Variants in FBXL13 observed in about 807,000 individuals in gnomAD.
FBXL13 encodes F-box and leucine-rich repeat protein 13.
FBXL13 carries 67 observed loss-of-function variants against 83.6 expected under a neutral mutation model. The observed-to-expected ratio is 0.80, with a 90% CI of 0.66 to 0.98. The LOEUF is 0.98. FBXL13 is among the 50% of genes least tolerant of loss of function. FBXL13 has a pLI of 0.00. For missense variants in FBXL13, 822 were observed against 866.5 expected (o/e 0.95, Z 0.64); for synonymous variants, 272 against 299.5 (o/e 0.91, Z 0.95).
chr7:102,868,156 G>C (rs1458422166), intron 16 of FBXL13, among the ~76,000 whole-genome samples: 1 of 152,062 alleles, frequency 6.6e-6, no homozygotes, highest in African/African-American at 2.4e-5. Flanking sequence ...TTTGTGGTGA[G>C]CACATTTAGA....
At chr7:102,896,269 C>G (rs1165566715) in intron 11 of FBXL13, among the ~76,000 whole-genome samples, 1 of 152,100 alleles carries the variant, frequency 6.6e-6, no homozygotes, top group Non-Finnish European at 1.5e-5. Context: ...TTAAAGGATG[C>G]CTCTAGATAT....
intron 10 of FBXL13, among the ~76,000 whole-genome samples, chr7:102,924,121 C>G (rs1236442676): frequency 2.0e-5 from 3 of 151,664 alleles, no homozygotes; most frequent in African/African-American, 7.3e-5. Flanking sequence ...GCCTCTAATC[C>G]CAGCTACTTG....
chr7:102,843,165 C>T (rs150881884), intron 17 of FBXL13, among the ~76,000 whole-genome samples: 202 of 152,134 alleles, frequency 1.3e-3, no homozygotes, highest in African/African-American at 2.1e-3. Context: ...AGTGGTAGGC[C>T]GGGCATGGTG....
At chr7:102,896,486 G>A (rs75770671) in intron 11 of FBXL13, among the ~76,000 whole-genome samples, 2,168 of 152,254 alleles carry the variant, frequency 0.014, 47 homozygotes, top group African/African-American at 0.048. Flanking sequence ...AGAGTCAAGG[G>A]TAATGTCTTA....
At chr7:102,964,553 C>T (rs1199507506) in intron 7 of FBXL13, among the ~76,000 whole-genome samples, 1 of 151,686 alleles carries the variant, frequency 6.6e-6, no homozygotes, top group Non-Finnish European at 1.5e-5. Flanking sequence ...TAGGCACCTG[C>T]CACCATGCCC....
intron 6 of FBXL13, among the ~76,000 whole-genome samples, chr7:102,970,296 T>C (rs1479316025): frequency 6.6e-6 from 1 of 152,162 alleles, no homozygotes; most frequent in African/African-American, 2.4e-5. Flanking sequence ...TGTAACCATA[T>C]TGACCATTTT....
At chr7:103,005,392 C>T (rs192021463) in intron 6 of FBXL13, among the ~76,000 whole-genome samples, 3 of 151,340 alleles carry the variant, frequency 2.0e-5, no homozygotes, top group African/African-American at 4.9e-5. Context: ...TGAACAAGGA[C>T]GGAAAGTAAA....
intron 6 of FBXL13, among the ~76,000 whole-genome samples, chr7:102,975,598 A>G (rs1437032737): frequency 6.6e-6 from 1 of 152,188 alleles, no homozygotes; most frequent in Non-Finnish European, 1.5e-5. Context: ...ACTTTCAGAA[A>G]TCACCCAAGG....
At chr7:102,830,995 A>T (rs1350021798) in intron 18 of FBXL13, among the ~76,000 whole-genome samples, 1 of 152,182 alleles carries the variant, frequency 6.6e-6, no homozygotes, top group Non-Finnish European at 1.5e-5. Context: ...GTCAGAGTAC[A>T]CGCATCTCTA....
chr7:102,846,798 C>T (rs1239660981), intron 17 of FBXL13, among the ~76,000 whole-genome samples: 1 of 151,200 alleles, frequency 6.6e-6, no homozygotes, highest in Non-Finnish European at 1.5e-5. Context: ...CAGCCACAGG[C>T]CACCTATGCA....
chr7:102,884,369 A>C, intron 11 of FBXL13, 57 bp from the exon 13 acceptor site: 1 of 1,298,260 alleles, frequency 7.7e-7, no homozygotes, highest in South Asian at 1.2e-5. Context: ...TAAAAATCCA[A>C]GGGAGTAATA....
intron 8 of FBXL13, among the ~76,000 whole-genome samples, chr7:102,935,878 G>A (rs1420934707): frequency 2.6e-5 from 4 of 152,102 alleles, no homozygotes; most frequent in Non-Finnish European, 5.9e-5. Flanking sequence ...GTTTCTTTAA[G>A]GGCAAGAGAA....
chr7:102,816,542 A>G (rs779214149), intron 19 of FBXL13, among the ~76,000 whole-genome samples: 1 of 152,182 alleles, frequency 6.6e-6, no homozygotes, highest in Non-Finnish European at 1.5e-5. Context: ...GAGATCGGCA[A>G]GTGGCTGCCA....
At chr7:103,045,737 C>T (rs1354363290) in intron 2 of FBXL13, among the ~76,000 whole-genome samples, 4 of 152,182 alleles carry the variant, frequency 2.6e-5, no homozygotes, top group Admixed American at 6.5e-5. Context: ...TGAGCTTAGT[C>T]CAAAACAGTG....
chr7:103,028,619 G>T (rs1167367491), exon 4 of FBXL13: 1 of 1,575,262 alleles, frequency 6.3e-7, no homozygotes, highest in South Asian at 1.2e-5. Context: ...TTTCTTTCTG[G>T]TCTTCCATAT....
chr7:102,976,209 A>T (rs200655492), intron 6 of FBXL13: 20 of 756,402 alleles, frequency 2.6e-5, no homozygotes, highest in Non-Finnish European at 4.4e-5. Flanking sequence ...ATCTGAGCCA[A>T]GGGTAACCCT....
At chr7:102,989,943 C>G (rs1160221000) in intron 6 of FBXL13, among the ~76,000 whole-genome samples, 1 of 152,180 alleles carries the variant, frequency 6.6e-6, no homozygotes, top group African/African-American at 2.4e-5. Context: ...AACTTAATGT[C>G]TCATTGACAT....
At chr7:103,036,246 T>C (rs766526857) in intron 2 of FBXL13, among the ~76,000 whole-genome samples, 4 of 152,166 alleles carry the variant, frequency 2.6e-5, no homozygotes, top group Non-Finnish European at 4.4e-5. Flanking sequence ...ACCAAAAAGG[T>C]TGGTGACCAC....
At chr7:102,981,398 C>T (rs1444661412) in intron 6 of FBXL13, among the ~76,000 whole-genome samples, 1 of 6,468 alleles carries the variant, frequency 1.5e-4, no homozygotes, top group Non-Finnish European at 1.0e-3. Context: ...TGCCTGCACA[C>T]CTTTCCCCCC....
Sources: allele counts gnomAD v4.1 joint callset (sites outside exome capture counted in the v4.1 genomes callset), GRCh38; gene constraint gnomAD v4.1.1; transcripts MANE v1.5; gene names NCBI Gene and HGNC (gene_info 2026-07-23, HGNC 2026-07-21).